Variants in TEKT5 observed in about 807,000 individuals in gnomAD.
TEKT5 encodes the protein tektin-5.
Under a neutral mutation model 48.7 loss-of-function variants are expected in TEKT5, and 52 were observed. The ratio of observed to expected loss-of-function variants is 1.07; its 90% CI spans 0.86 to 1.35. The LOEUF (loss-of-function observed/expected upper bound fraction) is 1.35, where lower values mean the gene tolerates loss of function less well. TEKT5 is among the 40% of genes most tolerant of loss of function. The pLI is 0.00. For missense variants in TEKT5, 831 were observed against 641.6 expected (o/e 1.30, Z -3.19); for synonymous variants, 318 against 267.6 (o/e 1.19, Z -1.84).
At chr16:10,661,387 G>A (rs1487447619) in intron 5 of TEKT5, among the ~76,000 whole-genome samples, 1 of 152,162 alleles carries the variant, frequency 6.6e-6, no homozygotes, top group Non-Finnish European at 1.5e-5. Context: ...TGAAGAGCTT[G>A]TTAGAAACCC....
rs1390540275 is a variant in TEKT5, at chr16:10,671,065, A to G, written c.1086+4894T>C. On this transcript the variant is annotated intron_variant, in intron 5 of 6. Coordinates refer to ENST00000283025, the MANE Select transcript of TEKT5 (RefSeq NM_144674.2). Reference sequence around the variant, plus strand: ...GGTTTTGCTCTCCCCACCTCCATTCAAAAGATCCTTTCTCTCTCCATCAGT... The same window carrying G: ...GGTTTTGCTCTCCCCACCTCCATTCGAAAGATCCTTTCTCTCTCCATCAGT... Among the ~76,000 whole-genome samples, 8 of 152,232 alleles carry G rather than the reference A, an allele frequency of 5.3e-5. No individual in the cohort carries two copies. In the East Asian group the frequency reaches 1.5e-3, roughly 29 times the overall value.
At chr16:10,671,703 G>T (rs549861190) in intron 5 of TEKT5, 22 of 152,280 alleles carry the variant, frequency 1.4e-4, no homozygotes, top group African/African-American at 4.6e-4. Flanking sequence ...AGATTTAATG[G>T]ACTCACAGTT....
intron 5 of TEKT5, among the ~76,000 whole-genome samples, chr16:10,657,228 C>A (rs1190449687): frequency 6.6e-6 from 1 of 151,094 alleles, no homozygotes; most frequent in Non-Finnish European, 1.5e-5. Flanking sequence ...CAGGTTCAAG[C>A]GATTCTCCTG....
intron 5 of TEKT5, among the ~76,000 whole-genome samples, chr16:10,661,699 T>A (rs1306246424): frequency 2.7e-4 from 41 of 152,186 alleles, no homozygotes; most frequent in Non-Finnish European, 2.9e-5. Flanking sequence ...GAGAGGCCAG[T>A]GGTATTCGGA....
chr16:10,666,781 C>T (rs1898465945), intron 5 of TEKT5, among the ~76,000 whole-genome samples: 2 of 152,148 alleles, frequency 1.3e-5, no homozygotes, highest in East Asian at 1.9e-4. Context: ...CCCTTGCAAC[C>T]TGGTCATCCC....
rs533054980 is a variant in TEKT5, at chr16:10,652,209, T to C, written c.1087-16291A>G. Among the ~76,000 whole-genome samples the C allele has an allele frequency of 7.9e-5, 12 of 152,198 alleles. No individual in the cohort carries two copies. The South Asian group carries it at 2.5e-3, about 32-fold the overall frequency. Reference sequence around the variant, plus strand: ...AAAACCTTAGCAAGTATGGAACCCCTTCACTGCCTCGGCACACAGAGCTGG... The same window carrying C: ...AAAACCTTAGCAAGTATGGAACCCCCTCACTGCCTCGGCACACAGAGCTGG... On this transcript the variant is annotated intron_variant, in intron 5 of 6. Coordinates refer to ENST00000283025, the MANE Select transcript of TEKT5 (RefSeq NM_144674.2).
chr16:10,636,937 C>T (rs1003039662), intron 5 of TEKT5, among the ~76,000 whole-genome samples: 14 of 150,966 alleles, frequency 9.3e-5, no homozygotes, highest in African/African-American at 2.9e-4. Context: ...CTGCCTCAGT[C>T]TCCCAAGTAG....
intron 6 of TEKT5, among the ~76,000 whole-genome samples, chr16:10,634,575 C>T (rs1006722206): frequency 5.3e-5 from 8 of 152,154 alleles, no homozygotes; most frequent in Admixed American, 3.3e-4. Flanking sequence ...TGGGGTCCTC[C>T]TGGCATCACA....
rs745599386 is a variant in TEKT5 at position 10,690,000 on chromosome 16, C to A, written c.590G>T (p.Arg197Leu). 2.5e-6 allele frequency: 4 copies of A among 1,614,056 alleles called. No homozygotes were observed. Among genetic ancestry groups the A allele is most frequent in the Admixed American group, 1.7e-5 (1 of 60,000 alleles). The change falls in exon 2 of 7, where the codon CGA (arginine) becomes CTA (leucine). Residue 197 changes from arginine to leucine, a missense_variant. Arg to Leu is a moderately radical substitution (Grantham distance 102). Coordinates refer to ENST00000283025, the MANE Select transcript of TEKT5 (RefSeq NM_144674.2). ...CAAATCAATCCCAATCCTCTTCTCTCGATGGTACAGACACTCCAAGGCCAC... is the reference window on the plus strand; with the variant it reads ...CAAATCAATCCCAATCCTCTTCTCTAGATGGTACAGACACTCCAAGGCCAC... ...LQVALECLYH[R>L]EKRIGIDLVH... is the part of the protein sequence containing the mutation.
rs151243776 is a variant in TEKT5, at chr16:10,675,968, C to G, written c.1077G>C (p.Gln359His). ...VTDVKNKLQT[Q>H]LAKTLQEIFQ... ...GGGAGGATCTGCTCACCTTCGCCAG[C>G]TGCGTCTGCAGCTTATTCTTCACAT... The change falls in exon 5 of 7, where the codon CAG (glutamine) becomes CAC (histidine). Residue 359 changes from glutamine (Q) to histidine (H), a missense_variant. Gln to His is a conservative substitution (Grantham distance 24). Transcript: ENST00000283025. 1.2e-6 allele frequency: 2 copies of G among 1,614,188 alleles called. No individual in the cohort carries two copies. The highest frequency in any genetic ancestry group is 2.2e-5 in the South Asian group (2 of 91,072).
At chr16:10,644,536 C>T (rs2719764) in intron 5 of TEKT5, among the ~76,000 whole-genome samples, 60,749 of 152,056 alleles carry the variant, frequency 0.4, 15,343 homozygotes, top group African/African-American at 0.71. Flanking sequence ...CTATTCAAAA[C>T]GGACAGCCAC....
At chr16:10,631,396 G>A (rs1458347938) in intron 6 of TEKT5, among the ~76,000 whole-genome samples, 3 of 151,278 alleles carry the variant, frequency 2.0e-5, no homozygotes, top group Admixed American at 6.6e-5. Flanking sequence ...ATGCTGACTC[G>A]AGTTTCGGGA....
At chr16:10,665,792 T>C (rs960515507) in intron 5 of TEKT5, among the ~76,000 whole-genome samples, 2 of 152,200 alleles carry the variant, frequency 1.3e-5, no homozygotes, top group African/African-American at 4.8e-5. Context: ...TGATTCCTCC[T>C]GGTGCTAAGG....
chr16:10,662,523 G>A (rs1898391210), intron 5 of TEKT5, among the ~76,000 whole-genome samples: 1 of 152,182 alleles, frequency 6.6e-6, no homozygotes, highest in South Asian at 2.1e-4. Flanking sequence ...TCTGCACGTA[G>A]CCCCGGCACC....
chr16:10,692,416 C>T (rs1898995947), intron 1 of TEKT5, among the ~76,000 whole-genome samples: 1 of 152,128 alleles, frequency 6.6e-6, no homozygotes, highest in Non-Finnish European at 1.5e-5. Context: ...TACGGAAGCC[C>T]CTGTAGCTGC....
In TEKT5 at chr16:10,658,036, T is replaced by C. The variant is rs536035986; in HGVS notation, c.1086+17923A>G. ...ATAATCTAATTTAGAACACTTTCAT[T>C]ACTCACCCACAAAAGAAACTTTGTA... is the stretch of plus-strand genomic sequence containing the variant. On this transcript the variant is annotated intron_variant, in intron 5 of 6. Coordinates refer to ENST00000283025, the MANE Select transcript of TEKT5 (RefSeq NM_144674.2). Among the ~76,000 whole-genome samples, 3 of 152,340 alleles carry C rather than the reference T, an allele frequency of 2.0e-5. No individual in the cohort carries two copies. The South Asian group carries it at 6.2e-4, about 32-fold the overall frequency.
intron 5 of TEKT5, among the ~76,000 whole-genome samples, chr16:10,636,482 T>C (rs1212870188): frequency 6.6e-6 from 1 of 152,034 alleles, no homozygotes; most frequent in Non-Finnish European, 1.5e-5. Flanking sequence ...TTGGTTTTGT[T>C]CTGAACCTCC....
At chr16:10,669,039 A>T (rs963192581) in intron 5 of TEKT5, among the ~76,000 whole-genome samples, 5 of 152,144 alleles carry the variant, frequency 3.3e-5, no homozygotes, top group African/African-American at 1.2e-4. Flanking sequence ...GAAATCTGAA[A>T]TTTTTTTATG....
chr16:10,642,731 G>C (rs1898013188), intron 5 of TEKT5, among the ~76,000 whole-genome samples: 1 of 152,074 alleles, frequency 6.6e-6, no homozygotes, highest in Non-Finnish European at 1.5e-5. Context: ...AGTAAACCAG[G>C]GGCAGAAAGT....
Sources: allele counts gnomAD v4.1 joint callset (sites outside exome capture counted in the v4.1 genomes callset), GRCh38; gene constraint gnomAD v4.1.1; transcripts MANE v1.5; gene names NCBI Gene and HGNC (gene_info 2026-07-23, HGNC 2026-07-21).